Variants in SYT1 observed in about 807,000 individuals in gnomAD.
SYT1 encodes synaptotagmin 1, also known as synaptotagmin-1.
A neutral mutation model predicts 44.8 loss-of-function variants in SYT1; 8 were observed. The observed-to-expected ratio is 0.18, with a 90% CI of 0.10 to 0.32. The LOEUF is 0.32. SYT1 is among the 10% of genes least tolerant of loss of function. The probability of loss-of-function intolerance (pLI) is 1.00; values close to 1 mark genes in which losing one functional copy is unlikely to be tolerated. For missense variants in SYT1, 286 were observed against 509.3 expected (o/e 0.56, Z 4.22); for synonymous variants, 154 against 188.8 (o/e 0.82, Z 1.51).
intron 3 of SYT1, among the ~76,000 whole-genome samples, chr12:79,172,785 C>T (rs1007116795): frequency 2.6e-5 from 4 of 151,222 alleles, no homozygotes; most frequent in African/African-American, 9.7e-5. Flanking sequence ...ATTTATTTTA[C>T]AGACTAAGCC....
chr12:78,999,146 G>C (rs907465831), intron 2 of SYT1, among the ~76,000 whole-genome samples: 12 of 152,086 alleles, frequency 7.9e-5, no homozygotes, highest in African/African-American at 2.9e-4. Context: ...GACTCAGCAA[G>C]TAATTTTTGG....
intron 9 of SYT1, among the ~76,000 whole-genome samples, chr12:79,434,626 A>C (rs548026537): frequency 6.6e-6 from 1 of 152,300 alleles, no homozygotes; most frequent in East Asian, 1.9e-4. Context: ...CTGAATGTTA[A>C]ATTTATTATG....
chr12:79,025,981 C>T lies in SYT1; in HGVS notation c.-83-21316C>T, dbSNP rs567895229. On this transcript the variant is annotated intron_variant, in intron 2 of 10. Coordinates refer to ENST00000261205, the MANE Select transcript of SYT1 (RefSeq NM_005639.3). ...TTCCCTCAGTGCTAGATATAAGATA[C>T]TGAAAATAGATATTTAAAAAGATCC... Among the ~76,000 whole-genome samples, 278 of 151,640 alleles carry T rather than the reference C, an allele frequency of 1.8e-3. 2 individuals are homozygous for T. The highest frequency in any genetic ancestry group is 6.1e-3 in the African/African-American group (253 of 41,468).
chr12:78,978,335 C>G (rs185023358), intron 2 of SYT1, among the ~76,000 whole-genome samples: 1 of 152,134 alleles, frequency 6.6e-6, no homozygotes, highest in South Asian at 2.1e-4. Flanking sequence ...GCCTGCTGCA[C>G]AGATGATATT....
chr12:79,436,432 G>C (rs1593066153), intron 9 of SYT1, among the ~76,000 whole-genome samples: 1 of 152,154 alleles, frequency 6.6e-6, no homozygotes, highest in East Asian at 1.9e-4. Flanking sequence ...AAACGGAAAG[G>C]CCATGGTCAC....
chr12:79,285,342 C>A (rs1211014502), intron 4 of SYT1, among the ~76,000 whole-genome samples: 1 of 152,138 alleles, frequency 6.6e-6, no homozygotes, highest in East Asian at 1.9e-4. Context: ...TTATTTAATA[C>A]TCAGAAAGAT....
chr12:79,368,022 T>C (rs543253823), intron 9 of SYT1, among the ~76,000 whole-genome samples: 26 of 151,810 alleles, frequency 1.7e-4, no homozygotes, highest in African/African-American at 6.3e-4. Flanking sequence ...TCATTTAGCA[T>C]TAGGTATATC....
chr12:79,041,221 G>T (rs921704399), intron 2 of SYT1, among the ~76,000 whole-genome samples: 1 of 152,024 alleles, frequency 6.6e-6, no homozygotes, highest in Non-Finnish European at 1.5e-5. Context: ...GGGCAGTATG[G>T]CCATTTTCAT....
chr12:79,374,975 C>G (rs1413650450), intron 9 of SYT1, among the ~76,000 whole-genome samples: 1 of 152,182 alleles, frequency 6.6e-6, no homozygotes, highest in Non-Finnish European at 1.5e-5. Context: ...ATATTCAACT[C>G]TATTGCAACA....
At chr12:79,423,727 C>T (rs1239625454) in intron 9 of SYT1, among the ~76,000 whole-genome samples, 2 of 151,962 alleles carry the variant, frequency 1.3e-5, no homozygotes, top group African/African-American at 4.8e-5. Flanking sequence ...TCTTCAATTT[C>T]ATGATATGTT....
chr12:79,286,372 TAA>T (rs1879315186), intron 5 of SYT1, among the ~76,000 whole-genome samples: 1 of 152,188 alleles, frequency 6.6e-6, no homozygotes, highest in Admixed American at 6.5e-5. Flanking sequence ...TAGTCACTGT[TAA>T]ATAACTGAGT....
intron 1 of SYT1, among the ~76,000 whole-genome samples, chr12:78,972,920 A>T (rs1565743195): frequency 6.6e-6 from 1 of 152,190 alleles, no homozygotes. Context: ...AAACATCAAG[A>T]CAATGGGCTT....
upstream of SYT1, chr12:78,863,988 C>G (rs964095851): frequency 5.3e-5 from 8 of 152,198 alleles, no homozygotes; most frequent in Non-Finnish European, 1.0e-4. Context: ...AGCTGCTTCT[C>G]CCGCATCTCG....
At chr12:79,448,748 T>C (rs1870869613) in intron 10 of SYT1, among the ~76,000 whole-genome samples, 170 bp from the exon 11 acceptor site, 1 of 152,234 alleles carries the variant, frequency 6.6e-6, no homozygotes, top group African/African-American at 2.4e-5. Context: ...GTGCAAAGTA[T>C]ATAATAAAAA....
intron 8 of SYT1, among the ~76,000 whole-genome samples, chr12:79,350,219 T>A (rs918198246): frequency 7.3e-5 from 11 of 151,446 alleles, no homozygotes; most frequent in Non-Finnish European, 1.5e-5. Flanking sequence ...TTGCGGGCAG[T>A]ATCAGGGCCT....
chr12:78,968,570 A>G (rs530084731), intron 1 of SYT1, among the ~76,000 whole-genome samples: 2 of 152,306 alleles, frequency 1.3e-5, no homozygotes, highest in South Asian at 2.1e-4. Context: ...GGAGTAACTC[A>G]TATCTCTTAA....
At chr12:79,184,770 G>C (rs1430322092) in intron 3 of SYT1, among the ~76,000 whole-genome samples, 1 of 152,010 alleles carries the variant, frequency 6.6e-6, no homozygotes, top group Non-Finnish European at 1.5e-5. Context: ...CCACATCTAG[G>C]AGTAGAAGTA....
chr12:78,967,562 C>T (rs938181242), intron 1 of SYT1, among the ~76,000 whole-genome samples: 2 of 152,104 alleles, frequency 1.3e-5, no homozygotes, highest in African/African-American at 4.8e-5. Flanking sequence ...TTCAAGTTTT[C>T]TTATCAGATA....
chr12:78,931,463 G>A lies in SYT1; in HGVS notation c.-216-46336G>A, dbSNP rs916079473. The stretch of plus-strand genomic sequence containing the variant: ...AAAGAAATAGAGAGAGAGAAAGAAA[G>A]AAAAAGAAAGAAAGAAAGAAAGAGA... On this transcript the variant is annotated intron_variant, in intron 1 of 10. Transcript: ENST00000261205. 9.9e-3 allele frequency among the ~76,000 whole-genome samples: 1,392 copies of A among 140,102 alleles called. 30 individuals carry two copies. Among genetic ancestry groups the A allele is most frequent in the Non-Finnish European group, 0.01 (669 of 65,162 alleles). The allele number at this position is 140,102 out of a possible 152,430, so 91.9% of individuals were successfully genotyped here.
Sources: gnomAD v4.1 joint callset for allele counts (sites outside exome capture counted in the v4.1 genomes callset) on GRCh38, gnomAD v4.1.1 for gene constraint, MANE v1.5 for transcripts, NCBI Gene and HGNC (gene_info 2026-07-23, HGNC 2026-07-21) for gene names.